The following USP48 variants were observed in gnomAD, a reference collection of about 807,000 sequenced individuals.
The protein encoded by USP48 is ubiquitin carboxyl-terminal hydrolase 48.
USP48 carries 43 observed loss-of-function variants against 150.7 expected under a neutral mutation model. That is an observed-to-expected ratio of 0.29 (90% CI 0.22 to 0.37). USP48 has a LOEUF of 0.37. Ranked by LOEUF, USP48 falls within the 10% of genes least tolerant of loss-of-function variation. USP48 has a pLI of 1.00. For missense variants in USP48, 813 were observed against 1,249.6 expected, an observed-to-expected ratio of 0.65 and a Z score of 5.27; for synonymous variants, 396 against 425.9, an observed-to-expected ratio of 0.93 and a Z score of 0.86.
At chr1:21,755,002 A>G (rs1420802544) in intron 3 of USP48, among the ~76,000 whole-genome samples, 1 of 152,144 alleles carries the variant, frequency 6.6e-6, no homozygotes, top group African/African-American at 2.4e-5. Context: ...CCAGGGATAC[A>G]GGTTGTTCCC....
intron 8 of USP48, among the ~76,000 whole-genome samples, chr1:21,744,920 A>G (rs901540215): frequency 2.0e-5 from 3 of 152,048 alleles, no homozygotes; most frequent in African/African-American, 7.2e-5. Flanking sequence ...CAGTCTCACC[A>G]TTTAAAGAAA....
chr1:21,778,019 T>C (rs1288637529), intron 1 of USP48, among the ~76,000 whole-genome samples: 1 of 148,098 alleles, frequency 6.8e-6, no homozygotes, highest in Non-Finnish European at 1.5e-5. Flanking sequence ...GGTGTGCGCC[T>C]GTAGTCCCAG....
intron 15 of USP48, among the ~76,000 whole-genome samples, chr1:21,707,236 G>A (rs2097675251): frequency 6.6e-6 from 1 of 152,110 alleles, no homozygotes; most frequent in African/African-American, 2.4e-5. Flanking sequence ...CATGGCAAGC[G>A]CTGCTTAACA....
chr1:21,688,842 CAAA>C (rs1185263002), intron 24 of USP48, among the ~76,000 whole-genome samples: 1 of 88,998 alleles, frequency 1.1e-5, no homozygotes. Context: ...GACTCCATCT[CAAA>C]AAAAAAAAAA....
At chr1:21,779,533 G>A (rs979553709) in intron 1 of USP48, among the ~76,000 whole-genome samples, 3 of 151,674 alleles carry the variant, frequency 2.0e-5, no homozygotes, top group Non-Finnish European at 4.4e-5. Flanking sequence ...GCAACACAGA[G>A]AGACTCCGTC....
intron 1 of USP48, among the ~76,000 whole-genome samples, chr1:21,759,335 T>C (rs1261135182): frequency 2.0e-5 from 3 of 151,984 alleles, no homozygotes; most frequent in African/African-American, 4.8e-5. Context: ...CTGACCAAAG[T>C]AACTTAAACA....
chr1:21,679,373 C>T lies in USP48; in HGVS notation c.*44G>A. 6.2e-7 allele frequency: 1 copy of T among 1,613,460 alleles called. No individual in the cohort carries two copies. The highest frequency in any genetic ancestry group is 1.3e-5 in the African/African-American group (1 of 75,042). On this transcript the variant is annotated 3_prime_UTR_variant, in exon 27 of 27. Transcript: ENST00000308271. ...TAATGCCCTAACATGTCAAACTCCT[C>T]TTCCCCTCTGGTCATTTCTTAGCAG...
chr1:21,780,804 G>C (rs1037748129), intron 1 of USP48, among the ~76,000 whole-genome samples: 17 of 146,042 alleles, frequency 1.2e-4, no homozygotes, highest in Non-Finnish European at 1.8e-4. Flanking sequence ...GTGCAGTGGC[G>C]TGATCTCGGC....
intron 1 of USP48, among the ~76,000 whole-genome samples, chr1:21,763,304 T>G (rs1469734509): frequency 6.6e-6 from 1 of 152,184 alleles, no homozygotes; most frequent in Non-Finnish European, 1.5e-5. Context: ...AGGTGACCTG[T>G]GATAGACTAC....
intron 20 of USP48, among the ~76,000 whole-genome samples, chr1:21,704,001 G>GT (rs2097664920): frequency 6.6e-6 from 1 of 152,140 alleles, no homozygotes; most frequent in Non-Finnish European, 1.5e-5. Flanking sequence ...AGGATTATAG[G>GT]TATGAGCTAG....
At chr1:21,691,230 C>T (rs1292461211) in intron 23 of USP48, among the ~76,000 whole-genome samples, 4 of 149,060 alleles carry the variant, frequency 2.7e-5, no homozygotes, top group Non-Finnish European at 5.9e-5. Context: ...CAGAGAATTG[C>T]TTGAACCCAG....
Position 21,706,200 on chromosome 1 carries a change from A to T in USP48, c.2212-13T>A. On this transcript the variant is annotated splice_polypyrimidine_tract_variant and intron_variant, in intron 17 of 26. Coordinates refer to ENST00000308271, the MANE Select transcript of USP48 (RefSeq NM_032236.8). Reference sequence around the variant, plus strand: ...GGACATCCGTATCCTAGAACACAAAAATCACAAAACAGTATCCGTCAATTC... The same window carrying T: ...GGACATCCGTATCCTAGAACACAAATATCACAAAACAGTATCCGTCAATTC... The T allele has an allele frequency of 6.2e-7, 1 of 1,612,848 alleles. No individual in the cohort carries two copies. The highest frequency in any genetic ancestry group is 8.5e-7 in the Non-Finnish European group (1 of 1,179,496).
chr1:21,691,041 G>A (rs1307340242), intron 23 of USP48, among the ~76,000 whole-genome samples: 1 of 152,184 alleles, frequency 6.6e-6, no homozygotes, highest in South Asian at 2.1e-4. Flanking sequence ...ACAGCCGGGT[G>A]CAGTGGCTCT....
chr1:21,763,469 G>A (rs939161658), intron 1 of USP48, among the ~76,000 whole-genome samples: 7 of 152,196 alleles, frequency 4.6e-5, no homozygotes, highest in Admixed American at 2.0e-4. Flanking sequence ...ATATGGGGGG[G>A]CGGGGTTGTG....
intron 1 of USP48, among the ~76,000 whole-genome samples, chr1:21,766,803 T>A (rs540760205): frequency 6.6e-6 from 1 of 152,220 alleles, no homozygotes; most frequent in East Asian, 1.9e-4. Flanking sequence ...CTGAGACTCA[T>A]GCCTGTAACC....
chr1:21,705,829 G>T lies in USP48; in HGVS notation c.2282C>A (p.Thr761Lys), dbSNP rs776599506. 1.3e-6 allele frequency: 2 copies of T among 1,599,268 alleles called. No individual in the cohort carries two copies. Among genetic ancestry groups the T allele is most frequent in the Non-Finnish European group, 1.7e-6 (2 of 1,175,386 alleles). The change falls in exon 19 of 27, where the codon ACA becomes AAA. Residue 761 changes from threonine to lysine, a missense_variant. Transcript: ENST00000308271. Reference sequence around the variant, plus strand: ...AACTGATGACACAGGGCTGCATCTTGTAGGCTTTCTACTCAAATGAGACAA... The same window carrying T: ...AACTGATGACACAGGGCTGCATCTTTTAGGCTTTCTACTCAAATGAGACAA... ...EEWRKFVRKPTRCSPVSSVGN... is the reference protein window; with the variant it reads ...EEWRKFVRKPKRCSPVSSVGN...
At chr1:21,708,631 C>G (rs2152524379) in intron 15 of USP48, among the ~76,000 whole-genome samples, 1 of 151,968 alleles carries the variant, frequency 6.6e-6, no homozygotes, top group African/African-American at 2.4e-5. Context: ...CGCCTGTAAT[C>G]CCAGCACTTT....
At chr1:21,697,800 A>G (rs1271838925) in intron 22 of USP48, among the ~76,000 whole-genome samples, 2 of 152,202 alleles carry the variant, frequency 1.3e-5, no homozygotes, top group Non-Finnish European at 2.9e-5. Context: ...CAAAACCCTG[A>G]GCATCAAGCA....
At chr1:21,705,932 T>C in intron 18 of USP48, 95 bp from the exon 19 acceptor site, 2 of 1,143,930 alleles carry the variant, frequency 1.7e-6, no homozygotes, top group Non-Finnish European at 2.4e-6. Flanking sequence ...GAGATATATT[T>C]AAGAAAATAT....
Sources: gnomAD v4.1 joint callset for allele counts (sites outside exome capture counted in the v4.1 genomes callset) on GRCh38, gnomAD v4.1.1 for gene constraint, MANE v1.5 for transcripts, NCBI Gene and HGNC (gene_info 2026-07-23, HGNC 2026-07-21) for gene names.